Variants in DEK observed in about 807,000 individuals in gnomAD.
DEK encodes the protein DEK proto-oncogene, also known as protein DEK.
DEK carries 28 observed loss-of-function variants against 46.8 expected under a neutral mutation model. The observed-to-expected ratio is 0.60, with a 90% CI of 0.44 to 0.82. The LOEUF (loss-of-function observed/expected upper bound fraction) is 0.82, where lower values mean the gene tolerates loss of function less well. DEK is among the 40% of genes least tolerant of loss of function. The probability of loss-of-function intolerance (pLI) is 0.00; values close to 1 mark genes in which losing one functional copy is unlikely to be tolerated. For missense variants in DEK, 416 were observed against 430.6 expected, an observed-to-expected ratio of 0.97 and a Z score of 0.30; for synonymous variants, 160 against 144.5, an observed-to-expected ratio of 1.11 and a Z score of -0.77.
At chr6:18,227,342 C>A (rs956152465) in intron 9 of DEK, among the ~76,000 whole-genome samples, 2 of 152,126 alleles carry the variant, frequency 1.3e-5, no homozygotes, top group African/African-American at 4.8e-5. Flanking sequence ...GTGGGACATG[C>A]GGGCAGTAAT....
At chr6:18,238,668 GGAGA>G (rs1222484678) in intron 7 of DEK, among the ~76,000 whole-genome samples, 1 of 147,582 alleles carries the variant, frequency 6.8e-6, no homozygotes, top group Admixed American at 6.7e-5. Context: ...CTGCACTCCA[GGAGA>G]GAGACTGTCT....
At chr6:18,252,564 A>G in intron 6 of DEK, among the ~76,000 whole-genome samples, 1 of 150,934 alleles carries the variant, frequency 6.6e-6, no homozygotes, top group African/African-American at 2.4e-5. Flanking sequence ...ATACTATCAG[A>G]TTAAGGAGTA....
intron 2 of DEK, among the ~76,000 whole-genome samples, chr6:18,259,044 T>C (rs1329985854): frequency 6.6e-6 from 1 of 151,946 alleles, no homozygotes; most frequent in Non-Finnish European, 1.5e-5. Context: ...GTCACAAAAA[T>C]CTACGGTGAG....
intron 2 of DEK, among the ~76,000 whole-genome samples, chr6:18,261,549 C>T (rs545300387): frequency 2.0e-4 from 30 of 152,232 alleles, no homozygotes; most frequent in African/African-American, 7.2e-4. Context: ...CCAGCCTGGG[C>T]AACGAGAGCG....
chr6:18,224,004 A>G lies in DEK; in HGVS notation c.*1715T>C, dbSNP rs954679479. On this transcript the variant is annotated 3_prime_UTR_variant, in exon 11 of 11. Coordinates refer to ENST00000652689, the MANE Select transcript of DEK (RefSeq NM_003472.4). ...GCAAATGGTCATAAAATTAACCTTA[A>G]TTATTCAGTTTTGTGAAGTCACTCC... 6.5e-6 allele frequency: 1 copy of G among 154,162 alleles called. No homozygotes were observed. Among genetic ancestry groups the G allele is most frequent in the Admixed American group, 6.5e-5 (1 of 15,326 alleles). 9.5% of individuals were successfully genotyped at this position (154,162 alleles called of 1,614,324 possible).
intron 9 of DEK, among the ~76,000 whole-genome samples, chr6:18,229,449 G>A (rs1355341679): frequency 6.6e-6 from 1 of 152,112 alleles, no homozygotes; most frequent in Non-Finnish European, 1.5e-5. Flanking sequence ...GAGGATGTTC[G>A]AACCCATCAC....
chr6:18,236,147 G>C (rs578173262), intron 9 of DEK, among the ~76,000 whole-genome samples: 2 of 152,228 alleles, frequency 1.3e-5, no homozygotes, highest in East Asian at 3.9e-4. Context: ...ATAAACTAAG[G>C]ATACATCAAT....
chr6:18,248,716 A>G (rs962104876), intron 7 of DEK, among the ~76,000 whole-genome samples: 34 of 152,192 alleles, frequency 2.2e-4, no homozygotes, highest in African/African-American at 7.7e-4. Flanking sequence ...AGAGTTCACT[A>G]TATCTTTATT....
rs755276989 is a variant in DEK at position 18,263,993 on chromosome 6, G to A, written c.-6C>T. The A allele has an allele frequency of 2.5e-6, 4 of 1,597,426 alleles. No homozygotes were observed. The highest frequency in any genetic ancestry group is 3.6e-5 in the Admixed American group (2 of 55,622). On this transcript the variant is annotated 5_prime_UTR_variant, in exon 2 of 11. Transcript: ENST00000652689. ...GCAGGGGCCGAGGCGGACATGCTGT[G>A]AACCTGCATGCGGGAAGAAAGCCGG...
intron 6 of DEK, among the ~76,000 whole-genome samples, chr6:18,251,023 C>A (rs1328224150): frequency 1.3e-5 from 2 of 152,104 alleles, no homozygotes; most frequent in African/African-American, 4.8e-5. Flanking sequence ...AAGCAGAGAT[C>A]ACCTGATGAA....
chr6:18,255,891 G>C lies in DEK; in HGVS notation c.453-40C>G, dbSNP rs762654660. The C allele has an allele frequency of 2.5e-6, 4 of 1,576,138 alleles. No individual in the cohort carries two copies. In the African/African-American group the frequency reaches 5.5e-5, roughly 22 times the overall value. On this transcript the variant is annotated intron_variant, in intron 5 of 10. Coordinates refer to ENST00000652689, the MANE Select transcript of DEK (RefSeq NM_003472.4). ...GGAAGAAACCAAGGTGTTAATATAG[G>C]AAAGCTTACATATGTTCTCCACAAT...
At chr6:18,254,010 G>A (rs768324540) in intron 6 of DEK, among the ~76,000 whole-genome samples, 2 of 151,808 alleles carry the variant, frequency 1.3e-5, no homozygotes, top group Non-Finnish European at 2.9e-5. Context: ...GCCCTTCATA[G>A]ATTTTAAACA....
chr6:18,230,074 C>T (rs112240897), intron 9 of DEK, among the ~76,000 whole-genome samples: 8 of 152,282 alleles, frequency 5.3e-5, no homozygotes, highest in South Asian at 2.1e-4. Context: ...GGCCAATATT[C>T]GACATTCTTA....
chr6:18,237,582 T>C, intron 7 of DEK, 66 bp from the exon 8 acceptor site: 1 of 1,517,462 alleles, frequency 6.6e-7, no homozygotes, highest in Non-Finnish European at 8.8e-7. Flanking sequence ...CCCATCCCTC[T>C]ACTTCCCCTA....
intron 2 of DEK, among the ~76,000 whole-genome samples, chr6:18,260,207 C>T (rs1791793984): frequency 6.6e-6 from 1 of 152,096 alleles, no homozygotes; most frequent in African/African-American, 2.4e-5. Flanking sequence ...CTGTAGATTA[C>T]TCATAATGAC....
chr6:18,255,855 A>G lies in DEK; in HGVS notation c.453-4T>C. On this transcript the variant is annotated splice_region_variant and splice_polypyrimidine_tract_variant and intron_variant, in intron 5 of 10. Coordinates refer to ENST00000652689, the MANE Select transcript of DEK (RefSeq NM_003472.4). ...CTTTAACATGGCATTTCTAAATCTGAAACAGAAAATGGAAGAAACCAAGGT... is the reference window on the plus strand; with the variant it reads ...CTTTAACATGGCATTTCTAAATCTGGAACAGAAAATGGAAGAAACCAAGGT... The G allele has an allele frequency of 1.3e-6, 2 of 1,596,872 alleles. No homozygotes were observed. Among genetic ancestry groups the G allele is most frequent in the Non-Finnish European group, 1.7e-6 (2 of 1,176,216 alleles).
At chr6:18,243,903 G>A (rs1309117349) in intron 7 of DEK, among the ~76,000 whole-genome samples, 2 of 152,110 alleles carry the variant, frequency 1.3e-5, no homozygotes, top group Non-Finnish European at 2.9e-5. Flanking sequence ...GGAGTTCAAG[G>A]CTGCAGTGAG....
chr6:18,237,066 T>A (rs532734694), intron 8 of DEK: 1 of 225,794 alleles, frequency 4.4e-6, no homozygotes, highest in South Asian at 1.1e-4. Flanking sequence ...CAATAAATAA[T>A]TTATTTAGTT....
chr6:18,253,573 C>G (rs1040576776), intron 6 of DEK, among the ~76,000 whole-genome samples: 1 of 152,172 alleles, frequency 6.6e-6, no homozygotes, highest in African/African-American at 2.4e-5. Context: ...AACCTGGTTT[C>G]AGACCTACAT....
Sources: allele counts gnomAD v4.1 joint callset (sites outside exome capture counted in the v4.1 genomes callset), GRCh38; gene constraint gnomAD v4.1.1; transcripts MANE v1.5; gene names NCBI Gene and HGNC (gene_info 2026-07-23, HGNC 2026-07-21).